The following NRP1 variants were observed in gnomAD, a reference collection of about 807,000 sequenced individuals.
NRP1 encodes the protein neuropilin 1.
In NRP1, 35 loss-of-function variants were observed where a neutral mutation model predicts 106.7. The observed-to-expected ratio is 0.33, with a 90% CI of 0.25 to 0.43. NRP1 has a LOEUF of 0.43. NRP1 is among the 20% of genes least tolerant of loss of function. The pLI, the probability that NRP1 is intolerant of heterozygous loss-of-function variation, is 1.00. For missense variants in NRP1, 1,024 were observed against 1,170.4 expected (o/e 0.87, Z 1.83); for synonymous variants, 437 against 417.9 (o/e 1.05, Z -0.56).
intron 8 of NRP1, among the ~76,000 whole-genome samples, chr10:33,218,427 G>C (rs1424843730): frequency 6.6e-6 from 1 of 151,104 alleles, no homozygotes; most frequent in African/African-American, 2.4e-5. Flanking sequence ...CTCACTGCAA[G>C]CTCTGCCTCC....
intron 6 of NRP1, among the ~76,000 whole-genome samples, chr10:33,232,164 C>A (rs1463766116): frequency 6.6e-6 from 1 of 152,060 alleles, no homozygotes; most frequent in Non-Finnish European, 1.5e-5. Context: ...GCTGAAAAGA[C>A]AAAGACACAA....
At chr10:33,213,258 C>T (rs764229050) in intron 9 of NRP1, 128 bp downstream of exon 9, 12 of 1,609,452 alleles carry the variant, frequency 7.5e-6, no homozygotes, top group Non-Finnish European at 1.0e-5. Flanking sequence ...CTTACTGACC[C>T]CATCACACAC....
At position 33,192,179 on chromosome 10, in the gene NRP1, A is replaced by AC. The variant is rs539693032; in HGVS notation, c.2062+101dup. On this transcript the variant is annotated intron_variant, in intron 13 of 16. Coordinates refer to ENST00000374867, the MANE Select transcript of NRP1 (RefSeq NM_003873.7). ...CATGTGAACGCCTGTAGTAATTCCT[A>AC]CCCGCCCTAAATTCACAGACATTAG... is the stretch of plus-strand genomic sequence containing the variant. 4.5e-4 allele frequency: 586 copies of AC among 1,290,238 alleles called. 4 individuals carry two copies. The African/African-American group carries it at 8.1e-3, about 18-fold the overall frequency. 79.9% of individuals were successfully genotyped at this position (1,290,238 alleles called of 1,614,324 possible).
At chr10:33,234,364 T>C (rs1386847650) in intron 6 of NRP1, among the ~76,000 whole-genome samples, 1 of 152,198 alleles carries the variant, frequency 6.6e-6, no homozygotes, top group Non-Finnish European at 1.5e-5. Flanking sequence ...GCTACACCTA[T>C]GCTATTCCCC....
intron 7 of NRP1, among the ~76,000 whole-genome samples, chr10:33,225,865 C>T (rs1839621373): frequency 6.6e-6 from 1 of 152,212 alleles, no homozygotes; most frequent in African/African-American, 2.4e-5. Context: ...GAATCTGTGT[C>T]CCCATGGGGG....
chr10:33,242,353 C>T (rs1186613997), intron 6 of NRP1, among the ~76,000 whole-genome samples: 1 of 152,078 alleles, frequency 6.6e-6, no homozygotes, highest in South Asian at 2.1e-4. Flanking sequence ...ATAACAGCAT[C>T]CTTATAAATA....
chr10:33,247,066 A>G (rs1841482148), intron 6 of NRP1, among the ~76,000 whole-genome samples: 1 of 152,254 alleles, frequency 6.6e-6, no homozygotes, highest in Non-Finnish European at 1.5e-5. Context: ...AAAATTGTAT[A>G]TGAAACTTGT....
rs3035285 is a variant in NRP1 at position 33,262,703 on chromosome 10, CAA to C, written c.658+941_658+942del. Reference sequence around the variant, plus strand: ...GGGTGACAAGAGCAAAACTCTGTCTCAAAAAAAAAAAAAAAAAAAGTCTAACC... The same window carrying C: ...GGGTGACAAGAGCAAAACTCTGTCTCAAAAAAAAAAAAAAAAAGTCTAACC... On this transcript the variant is annotated intron_variant, in intron 4 of 16. Coordinates refer to ENST00000374867, the MANE Select transcript of NRP1 (RefSeq NM_003873.7). Among the ~76,000 whole-genome samples, 809 of 100,768 alleles carry C rather than the reference CAA, an allele frequency of 8.0e-3. 8 individuals are homozygous for C. The highest frequency in any genetic ancestry group is 0.028 in the African/African-American group (760 of 27,410). 66.1% of individuals were successfully genotyped at this position (100,768 alleles called of 152,430 possible). A position where few individuals can be genotyped will look rare whatever the true frequency, so the allele number is the denominator to read the frequency against.
chr10:33,250,970 A>T (rs954902171), intron 6 of NRP1, among the ~76,000 whole-genome samples: 15 of 152,174 alleles, frequency 9.9e-5, no homozygotes, highest in African/African-American at 3.6e-4. Context: ...GTTATCCAGC[A>T]GGGAGACCCA....
chr10:33,323,992 C>T (rs1847713799), intron 2 of NRP1, among the ~76,000 whole-genome samples: 1 of 152,174 alleles, frequency 6.6e-6, no homozygotes, highest in East Asian at 1.9e-4. Flanking sequence ...CATGTTGATT[C>T]AGTCTGATAA....
intron 14 of NRP1, 86 bp from the exon 15 acceptor site, chr10:33,185,810 G>A: frequency 2.6e-6 from 3 of 1,151,708 alleles, no homozygotes. Flanking sequence ...TCCAGCTACG[G>A]CACATAAATT....
chr10:33,296,397 C>A (rs770301927), intron 2 of NRP1, among the ~76,000 whole-genome samples: 2 of 152,124 alleles, frequency 1.3e-5, no homozygotes, highest in African/African-American at 4.8e-5. Flanking sequence ...TCATCTTAAT[C>A]CTGCTCCTTA....
At chr10:33,197,108 C>A (rs1381524144) in intron 12 of NRP1, among the ~76,000 whole-genome samples, 7 of 152,120 alleles carry the variant, frequency 4.6e-5, no homozygotes, top group Non-Finnish European at 1.0e-4. Context: ...AGTCGTTACG[C>A]TTTTCTATTA....
intron 2 of NRP1, among the ~76,000 whole-genome samples, chr10:33,284,057 A>G (rs2132572414): frequency 6.6e-6 from 1 of 152,350 alleles, no homozygotes; most frequent in South Asian, 2.1e-4. Flanking sequence ...ACATGTCCAA[A>G]TGTACTCTTC....
At chr10:33,259,669 A>G (rs972916903) in intron 4 of NRP1, among the ~76,000 whole-genome samples, 3 of 152,164 alleles carry the variant, frequency 2.0e-5, no homozygotes, top group African/African-American at 7.2e-5. Context: ...ATGTGAAAGG[A>G]ATATAGTATT....
At chr10:33,240,664 T>C (rs7893572) in intron 6 of NRP1, among the ~76,000 whole-genome samples, 1,806 of 152,272 alleles carry the variant, frequency 0.012, 34 homozygotes, top group African/African-American at 0.04. Flanking sequence ...TAATGAGAGT[T>C]TCCTGTGCTG....
At chr10:33,237,427 TG>T (rs1258896962) in intron 6 of NRP1, among the ~76,000 whole-genome samples, 7 of 151,448 alleles carry the variant, frequency 4.6e-5, no homozygotes, top group African/African-American at 1.2e-4. Flanking sequence ...GGACTTTGGC[TG>T]GGGAAGCAGA....
At chr10:33,275,282 C>T (rs991554776) in intron 2 of NRP1, among the ~76,000 whole-genome samples, 1 of 152,114 alleles carries the variant, frequency 6.6e-6, no homozygotes, top group African/African-American at 2.4e-5. Flanking sequence ...TATTATTCAG[C>T]CACTAAAAAG....
chr10:33,209,685 C>A (rs1048322134), intron 9 of NRP1, among the ~76,000 whole-genome samples: 4 of 152,140 alleles, frequency 2.6e-5, no homozygotes, highest in African/African-American at 9.7e-5. Flanking sequence ...CCATGTTGGC[C>A]AGGCTGGTCT....
Sources: allele counts gnomAD v4.1 joint callset (sites outside exome capture counted in the v4.1 genomes callset), GRCh38; gene constraint gnomAD v4.1.1; transcripts MANE v1.5; gene names NCBI Gene and HGNC (gene_info 2026-07-23, HGNC 2026-07-21).